Variants in MAF observed in about 807,000 individuals in gnomAD.
MAF encodes MAF bZIP transcription factor, also known as transcription factor Maf.
Under a neutral mutation model 22.0 loss-of-function variants are expected in MAF, and 10 were observed. That is an observed-to-expected ratio of 0.45 (90% confidence interval 0.28 to 0.77). The LOEUF (loss-of-function observed/expected upper bound fraction) is 0.77. MAF is among the 30% of genes least tolerant of loss of function. The probability of loss-of-function intolerance (pLI) is 0.12; values close to 1 mark genes in which losing one functional copy is unlikely to be tolerated. For missense variants in MAF, 544 were observed against 548.4 expected, an observed-to-expected ratio of 0.99 and a Z score of 0.08; for synonymous variants, 337 against 255.8, an observed-to-expected ratio of 1.32 and a Z score of -3.03.
At chr16:79,465,888 G>C in the MAF span, among the ~76,000 whole-genome samples, 1 of 152,172 alleles carries the variant, frequency 6.6e-6, no homozygotes, top group Non-Finnish European at 1.5e-5. Flanking sequence ...TATGTCAGCA[G>C]GCTTAATGAT....
the MAF span, among the ~76,000 whole-genome samples, chr16:79,373,009 G>A: frequency 2.0e-5 from 3 of 152,136 alleles, no homozygotes; most frequent in Non-Finnish European, 2.9e-5. Context: ...GGCATTTCCT[G>A]TAAAATATAT....
At chr16:79,271,220 C>T in the MAF span, among the ~76,000 whole-genome samples, 1 of 152,052 alleles carries the variant, frequency 6.6e-6, no homozygotes, top group Non-Finnish European at 1.5e-5. Context: ...CCAGCCATGG[C>T]CACAGTTTTC....
At chr16:79,575,238 G>T in the MAF span, among the ~76,000 whole-genome samples, 46 of 152,128 alleles carry the variant, frequency 3.0e-4, no homozygotes, top group Middle Eastern at 3.4e-3. Context: ...ATTGTGAAGT[G>T]GTCATTGCCC....
the MAF span, among the ~76,000 whole-genome samples, chr16:79,472,698 C>T: frequency 2.0e-5 from 3 of 151,670 alleles, no homozygotes; most frequent in South Asian, 2.1e-4. Context: ...TAGAGTAGGG[C>T]GATGGTTGTA....
At chr16:79,270,111 G>C in the MAF span, among the ~76,000 whole-genome samples, 1 of 151,930 alleles carries the variant, frequency 6.6e-6, no homozygotes, top group South Asian at 2.1e-4. Flanking sequence ...GGTGGAAGGA[G>C]GTGAAGGGCC....
chr16:79,237,012 C>T, the MAF span, among the ~76,000 whole-genome samples: 2 of 151,504 alleles, frequency 1.3e-5, no homozygotes, highest in East Asian at 1.9e-4. Context: ...AATCAGGACT[C>T]GCCTTATTAA....
At chr16:79,375,998 C>G in the MAF span, among the ~76,000 whole-genome samples, 1 of 152,064 alleles carries the variant, frequency 6.6e-6, no homozygotes, top group South Asian at 2.1e-4. Context: ...AACAAATCAA[C>G]CTTAGAGTTC....
chr16:79,303,513 G>A, the MAF span, among the ~76,000 whole-genome samples: 1 of 152,262 alleles, frequency 6.6e-6, no homozygotes, highest in Non-Finnish European at 1.5e-5. Context: ...TTGACCTTAG[G>A]CGTTGTCTCA....
At chr16:79,249,944 A>T in the MAF span, among the ~76,000 whole-genome samples, 1 of 152,204 alleles carries the variant, frequency 6.6e-6, no homozygotes, top group East Asian at 1.9e-4. Context: ...ATGTATGGTA[A>T]ATTAATTTTA....
chr16:79,595,039 A>G, intron 1 of MAF: 1 of 1,055,690 alleles, frequency 9.5e-7, no homozygotes, highest in Non-Finnish European at 1.1e-6. Context: ...GTTTGCCTAA[A>G]ATCTTTCATC....
chr16:79,580,898 T>C (rs1597827418), downstream of MAF, among the ~76,000 whole-genome samples: 1 of 152,050 alleles, frequency 6.6e-6, no homozygotes, highest in Non-Finnish European at 1.5e-5. Flanking sequence ...CCTTTGAGCG[T>C]TGGGAGAGAA....
chr16:79,324,750 G>A, the MAF span, among the ~76,000 whole-genome samples: 1 of 151,974 alleles, frequency 6.6e-6, no homozygotes, highest in Admixed American at 6.6e-5. Context: ...GAAAGGTGAA[G>A]GGGGACTGTA....
the MAF span, among the ~76,000 whole-genome samples, chr16:79,227,721 A>G: frequency 2.0e-5 from 3 of 151,992 alleles, no homozygotes; most frequent in African/African-American, 7.2e-5. Context: ...CTCTGCTACT[A>G]TAAAGTTTTT....
At chr16:79,362,747 G>C in the MAF span, among the ~76,000 whole-genome samples, 1 of 152,194 alleles carries the variant, frequency 6.6e-6, no homozygotes, top group Non-Finnish European at 1.5e-5. Context: ...GAAACTCCAA[G>C]TTGCAGATGA....
At chr16:79,270,440 C>T in the MAF span, among the ~76,000 whole-genome samples, 3 of 152,120 alleles carry the variant, frequency 2.0e-5, no homozygotes, top group African/African-American at 7.2e-5. Context: ...GGAATCCTGC[C>T]TCCTTGAGGC....
chr16:79,270,264 T>C, the MAF span, among the ~76,000 whole-genome samples: 2 of 152,126 alleles, frequency 1.3e-5, no homozygotes, highest in African/African-American at 4.8e-5. Context: ...TGTGCTGGCC[T>C]GAGGGCTGCA....
chr16:79,384,045 G>A, the MAF span, among the ~76,000 whole-genome samples: 31 of 152,206 alleles, frequency 2.0e-4, no homozygotes, highest in Admixed American at 6.5e-5. Context: ...GCCAATTTAG[G>A]TTCAGATCAA....
chr16:79,516,560 G>A, the MAF span, among the ~76,000 whole-genome samples: 50 of 152,184 alleles, frequency 3.3e-4, no homozygotes, highest in Non-Finnish European at 6.6e-4. Flanking sequence ...TATAATACAT[G>A]ATGATTTTAG....
the MAF span, chr16:79,203,702 T>G: frequency 1.1e-4 from 16 of 152,308 alleles, no homozygotes; most frequent in Admixed American, 7.8e-4. Context: ...AGAGCCATTC[T>G]GTGCAGAAGA....
Sources: allele counts gnomAD v4.1 joint callset (sites outside exome capture counted in the v4.1 genomes callset), GRCh38; gene constraint gnomAD v4.1.1; transcripts MANE v1.5; gene names NCBI Gene and HGNC (gene_info 2026-07-23, HGNC 2026-07-21).